SDHB: variants seen among roughly 807,000 people sequenced by gnomAD.
SDHB encodes succinate dehydrogenase [ubiquinone] iron-sulfur subunit, mitochondrial.
In SDHB, 21 loss-of-function variants were observed where a neutral mutation model predicts 39.7. That is an observed-to-expected ratio of 0.53 (90% CI 0.37 to 0.76). The LOEUF (loss-of-function observed/expected upper bound fraction) is 0.76, where lower values mean the gene tolerates loss of function less well. Ranked by LOEUF, SDHB falls within the 30% of genes least tolerant of loss-of-function variation. The pLI, the probability that SDHB is intolerant of heterozygous loss-of-function variation, is 0.00. For missense variants in SDHB, 343 were observed against 350.9 expected (o/e 0.98, Z 0.18); for synonymous variants, 118 against 117.0 (o/e 1.01, Z -0.06).
intron 1 of SDHB, among the ~76,000 whole-genome samples, chr1:17,049,292 T>G (rs1008261236): frequency 2.0e-5 from 3 of 151,082 alleles, no homozygotes; most frequent in African/African-American, 7.3e-5. Flanking sequence ...TGTCTGGCCC[T>G]AACTTGGACT....
chr1:17,033,580 C>T (rs2078034339), intron 2 of SDHB, among the ~76,000 whole-genome samples: 1 of 152,204 alleles, frequency 6.6e-6, no homozygotes, highest in Non-Finnish European at 1.5e-5. Context: ...GACACCCAAT[C>T]ACTCACAGTC....
At chr1:17,029,430 ATT>A (rs34853585) in intron 3 of SDHB, among the ~76,000 whole-genome samples, 29 of 137,212 alleles carry the variant, frequency 2.1e-4, no homozygotes, top group Middle Eastern at 3.8e-3. Flanking sequence ...CGTCAAGCCT[ATT>A]TTTTTTTTTT....
chr1:17,037,558 G>C (rs2078056793), intron 2 of SDHB, among the ~76,000 whole-genome samples: 1 of 152,134 alleles, frequency 6.6e-6, no homozygotes, highest in Non-Finnish European at 1.5e-5. Context: ...CTAGGTTCAA[G>C]CAATTCTTGT....
At chr1:17,037,842 T>G (rs559962472) in intron 2 of SDHB, among the ~76,000 whole-genome samples, 1 of 152,076 alleles carries the variant, frequency 6.6e-6, no homozygotes, top group African/African-American at 2.4e-5. Context: ...GCTCAAGCAA[T>G]TCTCCTGCTT....
chr1:17,046,499 C>T (rs529286980), intron 1 of SDHB, among the ~76,000 whole-genome samples: 1 of 152,178 alleles, frequency 6.6e-6, no homozygotes, highest in Non-Finnish European at 1.5e-5. Context: ...CCAAAAAGGT[C>T]TTTTGTGCCC....
intron 1 of SDHB, among the ~76,000 whole-genome samples, chr1:17,050,334 T>C (rs1344773413): frequency 5.3e-5 from 8 of 152,218 alleles, no homozygotes; most frequent in South Asian, 2.1e-4. Flanking sequence ...ACAACTAATT[T>C]AAATTTGTTT....
intron 2 of SDHB, 121 bp downstream of exon 2, chr1:17,044,639 GT>G (rs1285953922): frequency 1.6e-6 from 2 of 1,238,524 alleles, no homozygotes; most frequent in African/African-American, 3.0e-5. Flanking sequence ...GCTCATTCTT[GT>G]TTTAAAAACA....
chr1:17,045,141 T>C lies in SDHB; in HGVS notation c.73-253A>G, dbSNP rs959002621. 4 of 488,824 alleles carry C rather than the reference T, an allele frequency of 8.2e-6. No individual in the cohort carries two copies. The Admixed American group carries it at 1.3e-4, about 16-fold the overall frequency. 30.3% of individuals were successfully genotyped at this position (488,824 alleles called of 1,614,324 possible). On this transcript the variant is annotated intron_variant, in intron 1 of 7. Coordinates refer to ENST00000375499, the MANE Select transcript of SDHB (RefSeq NM_003000.3). The stretch of plus-strand genomic sequence containing the variant: ...AAACCTTCATCTTCACAGAACTTAC[T>C]TTGTAGTGAACAAGAGTTAAATTAA...
chr1:17,045,099 CA>C (rs1362687542), intron 1 of SDHB: 1 of 560,130 alleles, frequency 1.8e-6, no homozygotes, highest in African/African-American at 1.9e-5. Context: ...GCTAGTGACA[CA>C]GCACTTAATA....
intron 2 of SDHB, among the ~76,000 whole-genome samples, chr1:17,036,771 TATATAA>T (rs1182899165): frequency 8.2e-5 from 12 of 146,462 alleles, no homozygotes; most frequent in Admixed American, 2.1e-4. Flanking sequence ...TAAATATGAA[TATATAA>T]ATATAAATAC....
intron 3 of SDHB, 130 bp from the exon 4 acceptor site, chr1:17,028,866 G>GGAAT: frequency 8.9e-7 from 1 of 1,119,166 alleles, no homozygotes; most frequent in Non-Finnish European, 1.3e-6. Context: ...CTCTGACAGA[G>GGAAT]GTGCCTGTTG....
chr1:17,033,533 C>T (rs532199431), intron 2 of SDHB, among the ~76,000 whole-genome samples: 4 of 152,282 alleles, frequency 2.6e-5, no homozygotes, highest in Admixed American at 2.6e-4. Flanking sequence ...ATTAATAATA[C>T]ATAACCATAA....
In SDHB at chr1:17,027,864, T is replaced by C. The variant is rs759709073; in HGVS notation, c.425A>G (p.Asp142Gly). 2 of 1,556,348 alleles carry C rather than the reference T, an allele frequency of 1.3e-6. No homozygotes were observed. Among genetic ancestry groups the C allele is most frequent in the Non-Finnish European group, 1.8e-6 (2 of 1,127,788 alleles). The change falls in exon 5 of 8, where the codon GAT (aspartate) becomes GGT (glycine). Residue 142 changes from aspartate to glycine, a missense_variant and splice_region_variant. Asp to Gly is a moderately conservative substitution (Grantham distance 94, BLOSUM62 -1). Transcript: ENST00000375499. ...HMYVIKDLVPDLSNFYAQYKS... is the reference protein window; with the variant it reads ...HMYVIKDLVPGLSNFYAQYKS... ...GTACTGTGCATAGAAGTTGCTCAAATCCTGTGGTTAAGAGGAAGAAGAAGA... is the reference window on the plus strand; with the variant it reads ...GTACTGTGCATAGAAGTTGCTCAAACCCTGTGGTTAAGAGGAAGAAGAAGA...
At chr1:17,038,499 G>A (rs943948684) in intron 2 of SDHB, among the ~76,000 whole-genome samples, 22 of 152,176 alleles carry the variant, frequency 1.4e-4, no homozygotes, top group Admixed American at 1.4e-3. Context: ...CATGTTACCT[G>A]TGACTACAGT....
intron 3 of SDHB, among the ~76,000 whole-genome samples, chr1:17,030,954 CTT>C (rs35938342): frequency 3.4e-3 from 488 of 141,976 alleles, no homozygotes; most frequent in East Asian, 0.014. Flanking sequence ...CTGGCCTCAC[CTT>C]TTTTTTTTTT....
chr1:17,018,889 A>G lies in SDHB; in HGVS notation c.835T>C (p.Ser279Pro), dbSNP rs1275426951. ...GTTTAGCATGGAAACAGTTAAACTGAAGCTTTCTTCTCCTTATAGGTTGCC... is the reference window on the plus strand; with the variant it reads ...GTTTAGCATGGAAACAGTTAAACTGGAGCTTTCTTCTCCTTATAGGTTGCC... ...MMATYKEKKA[S>P]V is the part of the protein sequence containing the mutation. Residue 279 changes from serine to proline, a missense_variant, in exon 8 of 8, where the codon TCA becomes CCA. Physicochemically the swap from Ser to Pro is moderately conservative, Grantham distance 74. Coordinates refer to ENST00000375499, the MANE Select transcript of SDHB (RefSeq NM_003000.3). 3 of 1,609,852 alleles carry G rather than the reference A, an allele frequency of 1.9e-6. No homozygotes were observed. In the East Asian group the frequency reaches 6.7e-5, roughly 36 times the overall value.
At chr1:17,022,180 C>A (rs1049172897) in intron 7 of SDHB, among the ~76,000 whole-genome samples, 16 of 152,180 alleles carry the variant, frequency 1.1e-4, no homozygotes, top group Admixed American at 8.5e-4. Context: ...TCAGAGAAAA[C>A]CTCCACAGAG....
At chr1:17,038,207 C>G (rs929775284) in intron 2 of SDHB, among the ~76,000 whole-genome samples, 1 of 152,160 alleles carries the variant, frequency 6.6e-6, no homozygotes, top group African/African-American at 2.4e-5. Flanking sequence ...GCCACTGAGC[C>G]TGCCCAAGGT....
Position 17,033,051 on chromosome 1 carries a change from A to C in SDHB, c.286+9T>G. On this transcript the variant is annotated intron_variant, in intron 3 of 7. Coordinates refer to ENST00000375499, the MANE Select transcript of SDHB (RefSeq NM_003000.3). ...AGTATCTGGAGCCCAACAGGAATGA[A>C]ATGCTCACCTTCTCTGCATGATCTT... 6.2e-7 allele frequency: 1 copy of C among 1,609,068 alleles called. No homozygotes were observed. The highest frequency in any genetic ancestry group is 8.5e-7 in the Non-Finnish European group (1 of 1,175,462).
Sources: allele counts gnomAD v4.1 joint callset (sites outside exome capture counted in the v4.1 genomes callset), GRCh38; gene constraint gnomAD v4.1.1; transcripts MANE v1.5; gene names NCBI Gene and HGNC (gene_info 2026-07-23, HGNC 2026-07-21).